Variants in WASHC3 observed in about 807,000 individuals in gnomAD.
The protein encoded by WASHC3 is WASH complex subunit CCDC53.
Under a neutral mutation model 26.1 loss-of-function variants are expected in WASHC3, and 24 were observed. The ratio of observed to expected loss-of-function variants is 0.92; its 90% confidence interval spans 0.66 to 1.29. The LOEUF (loss-of-function observed/expected upper bound fraction) is 1.29. Ranked by LOEUF, WASHC3 falls within the 50% of genes most tolerant of loss-of-function variation. The pLI is 0.00. For missense variants in WASHC3, 214 were observed against 229.6 expected (o/e 0.93, Z 0.44); for synonymous variants, 77 against 75.7 (o/e 1.02, Z -0.09).
At chr12:102,061,879 C>G in intron 1 of WASHC3, 33 bp downstream of exon 1, 2 of 1,565,474 alleles carry the variant, frequency 1.3e-6, no homozygotes, top group Non-Finnish European at 1.7e-6. Flanking sequence ...CTCCTCCCGG[C>G]TCGTCGGGAG....
chr12:102,032,973 T>C (rs754209730), intron 5 of WASHC3, among the ~76,000 whole-genome samples: 2 of 152,164 alleles, frequency 1.3e-5, no homozygotes, highest in Non-Finnish European at 2.9e-5. Flanking sequence ...TATTACTCTG[T>C]CAACTGGTAC....
chr12:102,025,609 A>AC (rs1007296188), intron 6 of WASHC3, among the ~76,000 whole-genome samples: 12 of 137,430 alleles, frequency 8.7e-5, no homozygotes, highest in African/African-American at 2.4e-4. Flanking sequence ...CATAATAATC[A>AC]CCCCCCCACC....
At chr12:102,034,818 G>A (rs1877587220) in intron 5 of WASHC3, among the ~76,000 whole-genome samples, 2 of 150,520 alleles carry the variant, frequency 1.3e-5, no homozygotes, top group African/African-American at 4.9e-5. Context: ...GTGTGTGTGA[G>A]TATGTAAATA....
At chr12:102,046,374 C>A (rs865861036) in intron 2 of WASHC3, among the ~76,000 whole-genome samples, 1 of 152,094 alleles carries the variant, frequency 6.6e-6, no homozygotes, top group Non-Finnish European at 1.5e-5. Flanking sequence ...CGGCTCCCTG[C>A]AACCCCTGCC....
intron 2 of WASHC3, chr12:102,050,042 G>A (rs2136681813): frequency 6.0e-6 from 1 of 166,528 alleles, no homozygotes; most frequent in Non-Finnish European, 1.3e-5. Flanking sequence ...ATAAGTCTGA[G>A]TTTGGCTGAG....
intron 6 of WASHC3, among the ~76,000 whole-genome samples, chr12:102,018,024 C>A (rs1216355213): frequency 6.6e-6 from 1 of 152,176 alleles, no homozygotes; most frequent in Non-Finnish European, 1.5e-5. Context: ...ATGAATTTGA[C>A]TACTCTAGAT....
At chr12:102,044,629 G>A (rs1051432773) in intron 3 of WASHC3, among the ~76,000 whole-genome samples, 2 of 151,352 alleles carry the variant, frequency 1.3e-5, no homozygotes, top group East Asian at 1.9e-4. Context: ...ATAATACTTC[G>A]AAAAAAAAGG....
At chr12:102,062,038 G>T, upstream of WASHC3, 4 of 1,314,440 alleles carry the variant, frequency 3.0e-6, no homozygotes, top group Non-Finnish European at 4.3e-6. Flanking sequence ...CGGTAATCAC[G>T]TCTCAACTTT....
At chr12:102,020,108 C>A (rs1035939007) in intron 6 of WASHC3, among the ~76,000 whole-genome samples, 1 of 152,152 alleles carries the variant, frequency 6.6e-6, no homozygotes, top group Non-Finnish European at 1.5e-5. Flanking sequence ...CAGGGCTAGT[C>A]AGAATGTTTC....
intron 2 of WASHC3, among the ~76,000 whole-genome samples, chr12:102,052,780 C>T (rs946625457): frequency 1.3e-5 from 2 of 152,046 alleles, no homozygotes; most frequent in African/African-American, 2.4e-5. Context: ...GGGCTGACAC[C>T]CATAAACACA....
At chr12:102,040,164 T>C (rs2136667389) in intron 4 of WASHC3, 186 bp from the exon 5 acceptor site, 3 of 347,772 alleles carry the variant, frequency 8.6e-6, no homozygotes, top group South Asian at 1.4e-4. Flanking sequence ...TATTTAAATA[T>C]CATTTCAGAG....
At chr12:102,021,874 A>C (rs1183447819) in intron 6 of WASHC3, among the ~76,000 whole-genome samples, 1 of 152,170 alleles carries the variant, frequency 6.6e-6, no homozygotes, top group Non-Finnish European at 1.5e-5. Flanking sequence ...TTTGTTTAAC[A>C]ATAATAAATC....
chr12:102,055,724 G>C (rs1029956411), intron 2 of WASHC3, among the ~76,000 whole-genome samples: 1 of 152,114 alleles, frequency 6.6e-6, no homozygotes, highest in East Asian at 1.9e-4. Flanking sequence ...TGCTTTCTTT[G>C]TTTCTTTCAT....
At chr12:102,039,126 AG>A (rs201218393) in intron 5 of WASHC3, among the ~76,000 whole-genome samples, 3,221 of 96,546 alleles carry the variant, frequency 0.033, 250 homozygotes, top group African/African-American at 0.059. Flanking sequence ...ATATGGAGTT[AG>A]GTTTTTTTTT....
intron 5 of WASHC3, among the ~76,000 whole-genome samples, chr12:102,038,031 G>A (rs539551463): frequency 6.6e-6 from 1 of 152,278 alleles, no homozygotes; most frequent in African/African-American, 2.4e-5. Flanking sequence ...CCGACCTCAA[G>A]TGATCCGCCC....
At chr12:102,040,353 A>C (rs1877890841) in intron 4 of WASHC3, 1 of 152,492 alleles carries the variant, frequency 6.6e-6, no homozygotes, top group South Asian at 2.1e-4. Context: ...ACTGTTTACA[A>C]ATTAATAATA....
rs1054489428 is a variant in WASHC3, at chr12:102,030,519, C to T, written c.436-4481G>A. On this transcript the variant is annotated intron_variant, in intron 5 of 6. Coordinates refer to ENST00000240079, the MANE Select transcript of WASHC3 (RefSeq NM_016053.4). Reference sequence around the variant, plus strand: ...TTTTTTAATCACTGTAAAATGAATACGGCTACCTAAAAAAAATGGAAACTT... The same window carrying T: ...TTTTTTAATCACTGTAAAATGAATATGGCTACCTAAAAAAAATGGAAACTT... Among the ~76,000 whole-genome samples, 9 of 151,864 alleles carry T rather than the reference C, an allele frequency of 5.9e-5. No individual in the cohort carries two copies. The South Asian group carries it at 1.0e-3, about 18-fold the overall frequency.
intron 5 of WASHC3, among the ~76,000 whole-genome samples, chr12:102,037,833 G>A (rs1877735904): frequency 6.6e-6 from 1 of 151,078 alleles, no homozygotes; most frequent in Admixed American, 6.6e-5. Context: ...TTTCACTCTT[G>A]TTGCCCAGGC....
At chr12:102,029,755 G>A (rs892398329) in intron 5 of WASHC3, among the ~76,000 whole-genome samples, 2 of 152,080 alleles carry the variant, frequency 1.3e-5, no homozygotes, top group African/African-American at 4.8e-5. Flanking sequence ...ATTCAATTAT[G>A]AAAGATGAAA....
Sources: gnomAD v4.1 joint callset for allele counts (sites outside exome capture counted in the v4.1 genomes callset) on GRCh38, gnomAD v4.1.1 for gene constraint, MANE v1.5 for transcripts, NCBI Gene and HGNC (gene_info 2026-07-23, HGNC 2026-07-21) for gene names.